The following CCDC146 variants were observed in gnomAD, a reference collection of about 807,000 sequenced individuals.
CCDC146 encodes coiled-coil domain-containing protein 146.
In CCDC146, 92 loss-of-function variants were observed where a neutral mutation model predicts 119.3. The ratio of observed to expected loss-of-function variants is 0.77; its 90% CI spans 0.65 to 0.92. The LOEUF (loss-of-function observed/expected upper bound fraction) is 0.92, where lower values mean the gene tolerates loss of function less well. CCDC146 is among the 40% of genes least tolerant of loss of function. The probability of loss-of-function intolerance (pLI) is 0.00; values close to 1 mark genes in which losing one functional copy is unlikely to be tolerated. For synonymous variants in CCDC146, 372 were observed against 371.8 expected (o/e 1.00, Z -0.01); for missense variants, 1,000 against 1,103.0 (o/e 0.91, Z 1.32).
At chr7:77,179,842 C>A (rs1314076261) in intron 2 of CCDC146, among the ~76,000 whole-genome samples, 1 of 152,068 alleles carries the variant, frequency 6.6e-6, no homozygotes, top group East Asian at 1.9e-4. Context: ...AATTCTACAC[C>A]CATTAAACAA....
chr7:77,173,663 A>C (rs1049882929), intron 2 of CCDC146, among the ~76,000 whole-genome samples: 1 of 152,200 alleles, frequency 6.6e-6, no homozygotes, highest in African/African-American at 2.4e-5. Context: ...TTGGAAACCA[A>C]GCCACACAAC....
intron 8 of CCDC146, among the ~76,000 whole-genome samples, chr7:77,261,767 G>A (rs1214459492): frequency 6.6e-6 from 1 of 152,186 alleles, no homozygotes; most frequent in Non-Finnish European, 1.5e-5. Context: ...GTGAGCCACC[G>A]CGCCCAGCCC....
chr7:77,232,062 AT>A (rs1054015585), intron 2 of CCDC146, among the ~76,000 whole-genome samples: 10 of 152,030 alleles, frequency 6.6e-5, no homozygotes, highest in Non-Finnish European at 1.2e-4. Flanking sequence ...TGTGAAGTAT[AT>A]TTTTCCCCCG....
At chr7:77,199,186 C>T (rs767928669) in intron 2 of CCDC146, 31 of 1,612,358 alleles carry the variant, frequency 1.9e-5, no homozygotes, top group Middle Eastern at 1.6e-4. Context: ...CATACCTGGA[C>T]GTGACTGTAT....
chr7:77,133,857 A>ACT (rs1790823389), intron 1 of CCDC146, among the ~76,000 whole-genome samples: 1 of 144,568 alleles, frequency 6.9e-6, no homozygotes, highest in African/African-American at 2.5e-5. Flanking sequence ...ACACACACTC[A>ACT]CACACACATA....
At chr7:77,161,697 T>A (rs10270890) in intron 1 of CCDC146, among the ~76,000 whole-genome samples, 15,943 of 148,964 alleles carry the variant, frequency 0.11, 2,808 homozygotes, top group African/African-American at 0.37. Flanking sequence ...AAATGACGAG[T>A]TAATGGGTGC....
intron 17 of CCDC146, among the ~76,000 whole-genome samples, chr7:77,290,888 G>A (rs137992184): frequency 3.2e-4 from 49 of 152,328 alleles, no homozygotes; most frequent in Admixed American, 6.5e-4. Context: ...TCTGTTAGGA[G>A]AGGAAGGTAT....
intron 2 of CCDC146, among the ~76,000 whole-genome samples, chr7:77,218,208 A>C (rs1403566265): frequency 6.6e-6 from 1 of 152,166 alleles, no homozygotes; most frequent in Non-Finnish European, 1.5e-5. Context: ...GCAGCACATG[A>C]CTGTATGTAG....
intron 13 of CCDC146, among the ~76,000 whole-genome samples, chr7:77,280,066 G>A (rs1198064873): frequency 6.6e-6 from 1 of 152,108 alleles, no homozygotes; most frequent in East Asian, 1.9e-4. Flanking sequence ...GCTGAGTCAG[G>A]CACCACCTTA....
chr7:77,131,492 C>G (rs1790784722), intron 1 of CCDC146, among the ~76,000 whole-genome samples: 1 of 151,964 alleles, frequency 6.6e-6, no homozygotes, highest in African/African-American at 2.4e-5. Context: ...CCGAGGTGGG[C>G]TGATTACTTG....
intron 11 of CCDC146, among the ~76,000 whole-genome samples, chr7:77,275,192 C>T (rs183343389): frequency 2.0e-5 from 3 of 151,976 alleles, no homozygotes; most frequent in East Asian, 3.9e-4. Flanking sequence ...TCACAGAATA[C>T]AAAACCTGCA....
At chr7:77,201,313 A>G (rs746395968) in intron 2 of CCDC146, among the ~76,000 whole-genome samples, 1 of 151,900 alleles carries the variant, frequency 6.6e-6, no homozygotes. Flanking sequence ...AGGCCGAGGC[A>G]TGTGGATCAC....
In CCDC146 at chr7:77,294,859, A is replaced by C. The variant is rs779213297; in HGVS notation, c.2861A>C (p.Glu954Ala). 1 of 1,613,422 alleles carries C rather than the reference A, an allele frequency of 6.2e-7. No homozygotes were observed. Among genetic ancestry groups the C allele is most frequent in the South Asian group, 1.1e-5 (1 of 91,038 alleles). ...HIRKPVIKPV[E>A]I ...AGGAAACCTGTTATAAAGCCAGTTG[A>C]AATCTGAATATGTGAACAAATCCAG... Residue 954 changes from glutamate to alanine, a missense_variant, in exon 19 of 19, where the codon GAA becomes GCA. By Grantham distance (107) the Glu-to-Ala change is moderately radical. Transcript: ENST00000285871.
At chr7:77,280,178 G>C (rs1031048321) in intron 13 of CCDC146, among the ~76,000 whole-genome samples, 2 of 152,198 alleles carry the variant, frequency 1.3e-5, no homozygotes, top group African/African-American at 4.8e-5. Flanking sequence ...CTTTGATAAA[G>C]GGGGTCAGCA....
chr7:77,183,019 G>A (rs1011925398), intron 2 of CCDC146, among the ~76,000 whole-genome samples: 1 of 152,066 alleles, frequency 6.6e-6, no homozygotes, highest in South Asian at 2.1e-4. Flanking sequence ...CAGCCTAAAG[G>A]AAACAGAAAG....
chr7:77,282,576 C>T lies in CCDC146; in HGVS notation c.1939C>T (p.Arg647Trp), dbSNP rs1357336059. The T allele has an allele frequency of 1.1e-5, 18 of 1,606,808 alleles. No homozygotes were observed. The highest frequency in any genetic ancestry group is 3.4e-5 in the Admixed American group (2 of 59,158). ...CCATAGTGGCGTTCAGCTGATAGAG[C>T]GGGAAGAAGAAATATGCATTTTTTA... ...RNESGVQLIE[R>W]EEEICIFYEK... is the part of the protein sequence containing the mutation. The change falls in exon 15 of 19, where the codon CGG becomes TGG. Residue 647 changes from arginine to tryptophan, a missense_variant. Coordinates refer to ENST00000285871, the MANE Select transcript of CCDC146 (RefSeq NM_020879.3).
intron 2 of CCDC146, among the ~76,000 whole-genome samples, chr7:77,183,099 A>C (rs757512961): frequency 7.9e-5 from 12 of 152,128 alleles, no homozygotes; most frequent in Non-Finnish European, 1.5e-4. Flanking sequence ...ACAGCATATC[A>C]AGCGGCAAAA....
intron 1 of CCDC146, among the ~76,000 whole-genome samples, chr7:77,133,588 C>T (rs1790817165): frequency 6.6e-6 from 1 of 151,312 alleles, no homozygotes; most frequent in Non-Finnish European, 1.5e-5. Context: ...AGGTGATCCA[C>T]TTGCCTCGGC....
Position 77,196,556 on chromosome 7 carries a change from T to C in CCDC146, c.156+28732T>C, listed in dbSNP as rs746412322. ...GAAAAACTTCAGATCGTGGTTGTAA[T>C]GTTTGTTGAAACGTAATGCATCTCC... is the stretch of plus-strand genomic sequence containing the variant. On this transcript the variant is annotated intron_variant, in intron 2 of 18. Transcript: ENST00000285871. The surrounding 1 kb of genome is among the most constrained non-coding windows in gnomAD (Gnocchi z 4.2). 5.0e-6 allele frequency: 8 copies of C among 1,614,216 alleles called. No homozygotes were observed. The highest frequency in any genetic ancestry group is 1.3e-5 in the African/African-American group (1 of 75,066).
Sources: allele counts gnomAD v4.1 joint callset (sites outside exome capture counted in the v4.1 genomes callset), GRCh38; gene constraint gnomAD v4.1.1; non-coding constraint Gnocchi (gnomAD v3.1); transcripts MANE v1.5; gene names NCBI Gene and HGNC (gene_info 2026-07-23, HGNC 2026-07-21).